Variants in ATP13A5 observed in about 807,000 individuals in gnomAD.
ATP13A5 encodes the protein probable cation-transporting ATPase 13A5.
In ATP13A5, 149 loss-of-function variants were observed where a neutral mutation model predicts 150.2. That is an observed-to-expected ratio of 0.99 (90% CI 0.87 to 1.14). ATP13A5 has a LOEUF of 1.14. ATP13A5 is among the 50% of genes most tolerant of loss of function. The probability of loss-of-function intolerance (pLI) is 0.00; values close to 1 mark genes in which losing one functional copy is unlikely to be tolerated. For synonymous variants in ATP13A5, 497 were observed against 522.2 expected, an observed-to-expected ratio of 0.95 and a Z score of 0.66; for missense variants, 1,383 against 1,449.3, an observed-to-expected ratio of 0.95 and a Z score of 0.74.
At position 193,337,064 on chromosome 3, in the gene ATP13A5, G is replaced by T. The variant is rs527567566; in HGVS notation, c.944-1965C>A. ...TGAGAAGTGTCTGTTCATATCCTTC[G>T]CCCACTTTTTGATGGGGTTGTTTGT... On this transcript the variant is annotated intron_variant, in intron 9 of 29. Transcript: ENST00000342358. Among the ~76,000 whole-genome samples the T allele has an allele frequency of 1.5e-4, 23 of 152,176 alleles. No homozygotes were observed. In the East Asian group the frequency reaches 4.2e-3, roughly 28 times the overall value.
Position 193,301,279 on chromosome 3 carries a change from A to C in ATP13A5, c.2707T>G (p.Phe903Val), listed in dbSNP as rs140697178. The change falls in exon 24 of 30, where the codon TTT becomes GTT. Residue 903 changes from phenylalanine (F) to valine (V), a missense_variant. This residue lies in a region of ATP13A5 where 568 missense variants were observed against 621.5 expected (regional missense o/e 0.91). Coordinates refer to ENST00000342358, the MANE Select transcript of ATP13A5 (RefSeq NM_198505.4). ...REGRAALVSS[F>V]GVFKYLTMYG... Reference sequence around the variant, plus strand: ...ATGGTCAAGTATTTAAATACTCCAAAGGATGAAACCAGAGCAGCTCGGCCT... The same window carrying C: ...ATGGTCAAGTATTTAAATACTCCAACGGATGAAACCAGAGCAGCTCGGCCT... 36 of 1,613,496 alleles carry C rather than the reference A, an allele frequency of 2.2e-5. No individual in the cohort carries two copies. Among genetic ancestry groups the C allele is most frequent in the Non-Finnish European group, 2.6e-5 (31 of 1,179,618 alleles).
At position 193,344,045 on chromosome 3, in the gene ATP13A5, C is replaced by G. The variant is rs1265918194; in HGVS notation, c.825G>C (p.Glu275Asp). 1.9e-6 allele frequency: 3 copies of G among 1,612,970 alleles called. No homozygotes were observed. Among genetic ancestry groups the G allele is most frequent in the Admixed American group, 3.3e-5 (2 of 59,898 alleles). The change falls in exon 9 of 30, where the codon GAG becomes GAC. Residue 275 changes from glutamate (E) to aspartate (D), a missense_variant. Physicochemically the swap from Glu to Asp is conservative, Grantham distance 45. This residue lies in a region of ATP13A5 where 787 missense variants were observed against 771.9 expected (regional missense o/e 1.02). Coordinates refer to ENST00000342358, the MANE Select transcript of ATP13A5 (RefSeq NM_198505.4). ...CGGGAACCAAGAGACGGGATTCCAG[C>G]TCCTCCAAACCTACACCAAAGCAAA... ...TIIVKDKGLE[E>D]LESRLLVPGD... is the part of the protein sequence containing the mutation.
In ATP13A5 at chr3:193,364,193, A is replaced by G. The variant is rs1713151507; in HGVS notation, c.151T>C (p.Phe51Leu). 1 of 1,614,132 alleles carries G rather than the reference A, an allele frequency of 6.2e-7. No individual in the cohort carries two copies. Among genetic ancestry groups the G allele is most frequent in the Non-Finnish European group, 8.5e-7 (1 of 1,179,984 alleles). ...ACTCTCCACTGGGGTCTCCAGTAGAACACCAGCAGAAGGCCCCCACAGGTC... is the reference window on the plus strand; with the variant it reads ...ACTCTCCACTGGGGTCTCCAGTAGAGCACCAGCAGAAGGCCCCCACAGGTC... ...VLTCGGLLLV[F>L]YWRPQWRVWA... Residue 51 changes from phenylalanine to leucine, a missense_variant, in exon 2 of 30, where the codon TTC becomes CTC. Coordinates refer to ENST00000342358, the MANE Select transcript of ATP13A5 (RefSeq NM_198505.4).
At chr3:193,320,752 C>A (rs985229983) in intron 16 of ATP13A5, among the ~76,000 whole-genome samples, 1 of 152,126 alleles carries the variant, frequency 6.6e-6, no homozygotes, top group Non-Finnish European at 1.5e-5. Flanking sequence ...AATCGGAAGA[C>A]AAAAAGACCA....
intron 6 of ATP13A5, among the ~76,000 whole-genome samples, chr3:193,353,728 T>C (rs994086317): frequency 6.6e-6 from 1 of 152,170 alleles, no homozygotes; most frequent in Admixed American, 6.5e-5. Flanking sequence ...CAGAAATGGG[T>C]CCTCACCGGG....
intron 13 of ATP13A5, among the ~76,000 whole-genome samples, chr3:193,326,361 C>T (rs1478251006): frequency 6.6e-6 from 1 of 152,176 alleles, no homozygotes; most frequent in Non-Finnish European, 1.5e-5. Flanking sequence ...TTGTCCTCTC[C>T]TCTCCCTAGT....
chr3:193,333,651 GA>G, intron 11 of ATP13A5, 98 bp downstream of exon 11: 1 of 1,205,838 alleles, frequency 8.3e-7, no homozygotes, highest in Non-Finnish European at 1.2e-6. Flanking sequence ...ATGATTCACA[GA>G]ATGATGGGAT....
chr3:193,327,201 G>A, intron 12 of ATP13A5, 144 bp from the exon 13 acceptor site: 1 of 689,844 alleles, frequency 1.4e-6, no homozygotes, highest in Non-Finnish European at 2.4e-6. Flanking sequence ...TTTTAAATCA[G>A]AGAGGAGTAC....
At position 193,348,795 on chromosome 3, in the gene ATP13A5, AAAG is replaced by A. The variant is rs1240817580; in HGVS notation, c.741+2269_741+2271del. ...AGATGCTCCTTCTTTCAGTCCTGCC[AAAG>A]CCCTTCCCCAAATCTTACTGCTGCA... is the stretch of plus-strand genomic sequence containing the variant. On this transcript the variant is annotated intron_variant, in intron 7 of 29. Coordinates refer to ENST00000342358, the MANE Select transcript of ATP13A5 (RefSeq NM_198505.4). Among the ~76,000 whole-genome samples, 9 of 152,328 alleles carry A rather than the reference AAAG, an allele frequency of 5.9e-5. 1 individual carries two copies. Among genetic ancestry groups the A allele is most frequent in the African/African-American group, 2.2e-4 (9 of 41,578 alleles).
chr3:193,351,250 C>A, intron 6 of ATP13A5, 49 bp from the exon 7 acceptor site: 1 of 1,600,258 alleles, frequency 6.2e-7, no homozygotes. Flanking sequence ...ACCTTAGTAG[C>A]AATCAAGAAG....
Position 193,335,046 on chromosome 3 carries a change from G to A in ATP13A5, c.997C>T (p.Pro333Ser), listed in dbSNP as rs1334914689. 6.2e-7 allele frequency: 1 copy of A among 1,613,894 alleles called. No individual in the cohort carries two copies. The highest frequency in any genetic ancestry group is 8.5e-7 in the Non-Finnish European group (1 of 1,179,792). Residue 333 changes from proline to serine, a missense_variant, in exon 10 of 30, where the codon CCT (proline) becomes TCT (serine). Pro to Ser is a moderately conservative substitution (Grantham distance 74). Coordinates refer to ENST00000342358, the MANE Select transcript of ATP13A5 (RefSeq NM_198505.4). Reference sequence around the variant, plus strand: ...TCCTCCAAACTGTGACATTTCCAAGGCATAGTGTTCTCCATCTGGGGCAAT... The same window carrying A: ...TCCTCCAAACTGTGACATTTCCAAGACATAGTGTTCTCCATCTGGGGCAAT... ...TPLPQMENTM[P>S]WKCHSLEDYR...
intron 11 of ATP13A5, among the ~76,000 whole-genome samples, chr3:193,331,769 C>G (rs866275129): frequency 6.6e-6 from 1 of 152,196 alleles, no homozygotes; most frequent in Admixed American, 6.5e-5. Flanking sequence ...TGGATACTAA[C>G]TCTGGAGCAG....
chr3:193,359,733 T>A (rs1438940889), intron 5 of ATP13A5, among the ~76,000 whole-genome samples: 2 of 152,114 alleles, frequency 1.3e-5, no homozygotes, highest in African/African-American at 4.8e-5. Context: ...TCAAAGCTTT[T>A]TTTCTTCCTG....
intron 23 of ATP13A5, among the ~76,000 whole-genome samples, chr3:193,303,421 A>G (rs1718481045): frequency 6.6e-6 from 1 of 152,156 alleles, no homozygotes; most frequent in African/African-American, 2.4e-5. Flanking sequence ...AGCACGTCCC[A>G]TGTATCAGAC....
At chr3:193,285,206 A>AT in intron 26 of ATP13A5, 90 bp from the exon 27 acceptor site, 8 of 1,079,252 alleles carry the variant, frequency 7.4e-6, no homozygotes, top group Non-Finnish European at 1.1e-5. Context: ...CTACCATGGG[A>AT]TTTTAGCTTT....
chr3:193,374,607 T>G (rs1370610773), intron 1 of ATP13A5, among the ~76,000 whole-genome samples: 1 of 146,414 alleles, frequency 6.8e-6, no homozygotes, highest in African/African-American at 2.6e-5. Context: ...ATCACACCAC[T>G]GCACTCCAGC....
At chr3:193,333,170 CAA>C (rs1314317273) in intron 11 of ATP13A5, among the ~76,000 whole-genome samples, 8 of 146,882 alleles carry the variant, frequency 5.4e-5, no homozygotes, top group South Asian at 4.3e-4. Flanking sequence ...CACACACACA[CAA>C]ACACACACAC....
intron 9 of ATP13A5, among the ~76,000 whole-genome samples, chr3:193,338,842 C>T (rs779093587): frequency 3.3e-5 from 5 of 152,082 alleles, no homozygotes; most frequent in Non-Finnish European, 5.9e-5. Context: ...TGGTAGAATT[C>T]GGCAGTGAAT....
At chr3:193,321,058 T>C (rs965788925) in intron 16 of ATP13A5, among the ~76,000 whole-genome samples, 3 of 152,176 alleles carry the variant, frequency 2.0e-5, no homozygotes, top group Non-Finnish European at 4.4e-5. Flanking sequence ...TCCAGACCTC[T>C]CCATTTCCCT....
Sources: allele counts gnomAD v4.1 joint callset (sites outside exome capture counted in the v4.1 genomes callset), GRCh38; gene constraint gnomAD v4.1.1; regional missense constraint gnomAD v4.1.1; transcripts MANE v1.5; gene names NCBI Gene and HGNC (gene_info 2026-07-23, HGNC 2026-07-21).